NXPH1: variants seen among roughly 807,000 people sequenced by gnomAD.
NXPH1 encodes the protein neurexophilin-1.
A neutral mutation model predicts 23.7 loss-of-function variants in NXPH1; 5 were observed. The ratio of observed to expected loss-of-function variants is 0.21; its 90% CI spans 0.11 to 0.44. The LOEUF is 0.44. Among genes scored for constraint, NXPH1 ranks in the 20% least tolerant of loss-of-function variants. The pLI is 0.99. For synonymous variants in NXPH1, 144 were observed against 122.2 expected, an observed-to-expected ratio of 1.18 and a Z score of -1.18; for missense variants, 324 against 321.6, an observed-to-expected ratio of 1.01 and a Z score of -0.06.
intron 2 of NXPH1, among the ~76,000 whole-genome samples, chr7:8,516,850 C>T (rs1456451475): frequency 6.6e-6 from 1 of 151,968 alleles, no homozygotes; most frequent in African/African-American, 2.4e-5. Context: ...AGAGCCAATG[C>T]CCAGGGTGCA....
intron 2 of NXPH1, among the ~76,000 whole-genome samples, chr7:8,582,578 G>A (rs1382676982): frequency 6.6e-6 from 1 of 152,160 alleles, no homozygotes; most frequent in African/African-American, 2.4e-5. Context: ...CTGCAGGAAG[G>A]TTATCCTGGT....
intron 2 of NXPH1, among the ~76,000 whole-genome samples, chr7:8,564,027 C>T (rs1434901242): frequency 6.6e-6 from 1 of 151,856 alleles, no homozygotes; most frequent in Non-Finnish European, 1.5e-5. Flanking sequence ...AAATGCCTCT[C>T]TCAGTTCCAT....
chr7:8,685,880 A>G lies in NXPH1; in HGVS notation c.55-65128A>G, dbSNP rs368748232. On this transcript the variant is annotated intron_variant, in intron 2 of 2. Coordinates refer to ENST00000405863, the MANE Select transcript of NXPH1 (RefSeq NM_152745.3). ...TATTGGATAGCACAACAGGATGACT[A>G]CAGTCAAGAATAATTGTACATTTTA... Among the ~76,000 whole-genome samples, 6 of 152,246 alleles carry G rather than the reference A, an allele frequency of 3.9e-5. No homozygotes were observed. In the East Asian group the frequency reaches 7.7e-4, roughly 20 times the overall value.
chr7:8,470,782 G>T (rs17149337), intron 2 of NXPH1, among the ~76,000 whole-genome samples: 56,588 of 152,014 alleles, frequency 0.37, 11,033 homozygotes, highest in East Asian at 0.61. Context: ...TTGTTGCAAA[G>T]GTCCTACTTT....
intron 2 of NXPH1, among the ~76,000 whole-genome samples, chr7:8,463,893 A>C (rs534826032): frequency 6.6e-6 from 1 of 152,172 alleles, no homozygotes; most frequent in Non-Finnish European, 1.5e-5. Flanking sequence ...TATTGCTGGC[A>C]TTATTTCTCC....
intron 2 of NXPH1, among the ~76,000 whole-genome samples, chr7:8,456,368 T>C (rs1024091209): frequency 1.3e-5 from 2 of 152,218 alleles, no homozygotes; most frequent in African/African-American, 2.4e-5. Context: ...TATTTCTTGA[T>C]TCTAATGTTA....
At chr7:8,568,373 G>T (rs969393198) in intron 2 of NXPH1, among the ~76,000 whole-genome samples, 2 of 151,798 alleles carry the variant, frequency 1.3e-5, no homozygotes, top group Admixed American at 6.6e-5. Context: ...AAAATCTCAT[G>T]CTTTCTGCAA....
intron 2 of NXPH1, among the ~76,000 whole-genome samples, chr7:8,716,564 G>A (rs1779881910): frequency 6.6e-6 from 1 of 152,066 alleles, no homozygotes; most frequent in African/African-American, 2.4e-5. Flanking sequence ...TTACCAAAGG[G>A]CAAATATAAA....
intron 2 of NXPH1, among the ~76,000 whole-genome samples, chr7:8,728,993 A>G (rs1439102347): frequency 1.3e-5 from 2 of 151,254 alleles, no homozygotes; most frequent in African/African-American, 4.8e-5. Flanking sequence ...TTGGTAAGCT[A>G]TTGATTATTG....
At chr7:8,578,979 G>C (rs1447204182) in intron 2 of NXPH1, among the ~76,000 whole-genome samples, 2 of 152,198 alleles carry the variant, frequency 1.3e-5, no homozygotes, top group Non-Finnish European at 2.9e-5. Context: ...GGTATGGATG[G>C]AGCAGGACAA....
chr7:8,475,122 T>C (rs1204981649), intron 2 of NXPH1, among the ~76,000 whole-genome samples: 1 of 152,130 alleles, frequency 6.6e-6, no homozygotes, highest in Non-Finnish European at 1.5e-5. Flanking sequence ...TTATTCTCTT[T>C]GCCTTTTCAC....
chr7:8,532,124 C>T (rs375249013), intron 2 of NXPH1, among the ~76,000 whole-genome samples: 15 of 152,078 alleles, frequency 9.9e-5, no homozygotes, highest in East Asian at 3.9e-4. Context: ...CTTTACAACC[C>T]GCTTTAGCTT....
At chr7:8,681,851 TA>T (rs1821054657) in intron 2 of NXPH1, among the ~76,000 whole-genome samples, 1 of 152,220 alleles carries the variant, frequency 6.6e-6, no homozygotes, top group South Asian at 2.1e-4. Context: ...CTTTCTCTAC[TA>T]TTGGGAGGTT....
chr7:8,508,207 A>G (rs1158966369), intron 2 of NXPH1, among the ~76,000 whole-genome samples: 2 of 152,116 alleles, frequency 1.3e-5, no homozygotes, highest in Admixed American at 6.5e-5. Context: ...CAACAAAATC[A>G]TAATTAGATG....
chr7:8,695,526 C>T (rs1821294510), intron 2 of NXPH1, among the ~76,000 whole-genome samples: 1 of 152,116 alleles, frequency 6.6e-6, no homozygotes, highest in South Asian at 2.1e-4. Context: ...ATCAGATTGC[C>T]ATCATTAGCC....
At chr7:8,678,374 A>G (rs995230201) in intron 2 of NXPH1, among the ~76,000 whole-genome samples, 3 of 152,120 alleles carry the variant, frequency 2.0e-5, no homozygotes. Context: ...CTCCTCTTAG[A>G]ACTACTTATG....
At chr7:8,738,422 A>G (rs1262263065) in intron 2 of NXPH1, among the ~76,000 whole-genome samples, 2 of 152,082 alleles carry the variant, frequency 1.3e-5, no homozygotes, top group African/African-American at 2.4e-5. Context: ...TCCACTCCAG[A>G]CCCTGTTTGG....
chr7:8,498,484 C>T (rs577688593), intron 2 of NXPH1, among the ~76,000 whole-genome samples: 2 of 152,150 alleles, frequency 1.3e-5, no homozygotes, highest in South Asian at 2.1e-4. Context: ...TCCATAGACC[C>T]AGCCTTGGAT....
intron 2 of NXPH1, among the ~76,000 whole-genome samples, chr7:8,716,490 G>A (rs1290617684): frequency 1.3e-5 from 2 of 152,164 alleles, no homozygotes; most frequent in Non-Finnish European, 2.9e-5. Context: ...AATTTATTAA[G>A]TACAGATTTT....
Sources: allele counts gnomAD v4.1 joint callset (sites outside exome capture counted in the v4.1 genomes callset), GRCh38; gene constraint gnomAD v4.1.1; transcripts MANE v1.5; gene names NCBI Gene and HGNC (gene_info 2026-07-23, HGNC 2026-07-21).